TNNI3K: variants seen among roughly 807,000 people sequenced by gnomAD.
TNNI3K encodes TNNI3 interacting kinase.
A neutral mutation model predicts 114.5 loss-of-function variants in TNNI3K; 140 were observed. That is an observed-to-expected ratio of 1.22 (90% CI 1.07 to 1.41). The LOEUF (loss-of-function observed/expected upper bound fraction) is 1.41. Ranked by LOEUF, TNNI3K falls within the 40% of genes most tolerant of loss-of-function variation. The pLI is 0.00. For missense variants in TNNI3K, 1,125 were observed against 1,007.6 expected, an observed-to-expected ratio of 1.12 and a Z score of -1.58; for synonymous variants, 347 against 347.5, an observed-to-expected ratio of 1.00 and a Z score of 0.02.
intron 21 of TNNI3K, chr1:74,475,518 A>G (rs927964661): frequency 4.2e-6 from 3 of 716,832 alleles, no homozygotes; most frequent in Non-Finnish European, 7.8e-6. Context: ...TCAGGTTTCT[A>G]AATGATCCGT....
Position 74,354,121 on chromosome 1 carries a change from A to G in TNNI3K, c.1169A>G (p.Tyr390Cys), listed in dbSNP as rs762701312. 1.2e-6 allele frequency: 2 copies of G among 1,613,942 alleles called. No homozygotes were observed. Among genetic ancestry groups the G allele is most frequent in the African/African-American group, 2.7e-5 (2 of 74,920 alleles). Reference sequence around the variant, plus strand: ...GAGCAGACATGTTTGATGTGGGCTTATGAAAAAGGTATATTTTTAATCATC... The same window carrying G: ...GAGCAGACATGTTTGATGTGGGCTTGTGAAAAAGGTATATTTTTAATCATC... ...KDEQTCLMWAYEKGHDAIVTL... is the reference protein window; with the variant it reads ...KDEQTCLMWACEKGHDAIVTL... Residue 390 changes from tyrosine to cysteine, a missense_variant, in exon 11 of 25, where the codon TAT becomes TGT. Physicochemically the swap from Tyr to Cys is radical, Grantham distance 194. Coordinates refer to ENST00000326637, the MANE Select transcript of TNNI3K (RefSeq NM_015978.3).
At position 74,391,816 on chromosome 1, in the gene TNNI3K, C is replaced by A. The variant is rs562787425; in HGVS notation, c.1772+21424C>A. Among the ~76,000 whole-genome samples, 87 of 152,180 alleles carry A rather than the reference C, an allele frequency of 5.7e-4. 1 individual carries two copies. The highest frequency in any genetic ancestry group is 1.9e-3 in the African/African-American group (80 of 41,518). On this transcript the variant is annotated intron_variant, in intron 17 of 24. Transcript: ENST00000326637. ...TGAGAAAGGGAAAAAGGAAAGCCAGCAGCAAATGGTGCTATGGGAGCTGAG... is the reference window on the plus strand; with the variant it reads ...TGAGAAAGGGAAAAAGGAAAGCCAGAAGCAAATGGTGCTATGGGAGCTGAG...
chr1:74,380,918 G>A (rs1270290471), intron 17 of TNNI3K, among the ~76,000 whole-genome samples: 1 of 152,012 alleles, frequency 6.6e-6, no homozygotes, highest in African/African-American at 2.4e-5. Flanking sequence ...ACTGACTAGG[G>A]ACCCAGAAAC....
At chr1:74,385,810 T>G (rs927656047) in intron 17 of TNNI3K, among the ~76,000 whole-genome samples, 1 of 152,130 alleles carries the variant, frequency 6.6e-6, no homozygotes, top group Non-Finnish European at 1.5e-5. Flanking sequence ...CAAAAGATAT[T>G]CAATGACAGA....
chr1:74,288,240 A>G (rs508717), intron 5 of TNNI3K, among the ~76,000 whole-genome samples: 151,804 of 152,202 alleles, frequency 1, 75,705 homozygotes, highest in Non-Finnish European at 1. Context: ...AAATCAGCAT[A>G]TTGAAGATAT....
intron 17 of TNNI3K, chr1:74,375,436 C>A: frequency 2.6e-6 from 1 of 382,134 alleles, no homozygotes; most frequent in Non-Finnish European, 5.4e-6. Context: ...ACAAATTAGC[C>A]ACAAGATTAG....
At chr1:74,334,078 C>T (rs377133338) in intron 6 of TNNI3K, among the ~76,000 whole-genome samples, 7 of 152,160 alleles carry the variant, frequency 4.6e-5, no homozygotes, top group African/African-American at 1.2e-4. Flanking sequence ...GCTTTTCATG[C>T]GATGACTTAT....
chr1:74,495,156 G>T (rs537266872), intron 23 of TNNI3K, among the ~76,000 whole-genome samples: 5 of 152,204 alleles, frequency 3.3e-5, no homozygotes, highest in African/African-American at 1.2e-4. Context: ...TCTGATAAGG[G>T]TGTATCTGTC....
intron 5 of TNNI3K, among the ~76,000 whole-genome samples, chr1:74,276,560 A>C (rs1656698090): frequency 6.6e-6 from 1 of 152,122 alleles, no homozygotes; most frequent in Non-Finnish European, 1.5e-5. Flanking sequence ...TACTATGCTA[A>C]AAATTTAGGT....
chr1:74,366,814 T>C (rs536702318), intron 11 of TNNI3K: 1 of 153,482 alleles, frequency 6.5e-6, no homozygotes, highest in Non-Finnish European at 1.4e-5. Flanking sequence ...AATACTACAA[T>C]ACTGAATCAA....
At position 74,521,925 on chromosome 1, in the gene TNNI3K, G is replaced by C. The variant is rs147709598; in HGVS notation, c.2352-18309G>C. Among the ~76,000 whole-genome samples the C allele has an allele frequency of 7.9e-3, 1,210 of 152,264 alleles. 19 individuals are homozygous for C. The highest frequency in any genetic ancestry group is 0.027 in the African/African-American group (1,112 of 41,528). On this transcript the variant is annotated intron_variant, in intron 23 of 24. Transcript: ENST00000326637. ...AATCATAACTACTCAAAAGCCCAGA[G>C]TGATTCTGGGGCTGCATCCAACTGT...
At chr1:74,381,684 G>C (rs926197566) in intron 17 of TNNI3K, among the ~76,000 whole-genome samples, 1 of 152,056 alleles carries the variant, frequency 6.6e-6, no homozygotes, top group Non-Finnish European at 1.5e-5. Context: ...GTTCGAACTT[G>C]AATCAGGGAT....
intron 21 of TNNI3K, chr1:74,475,299 T>G (rs1668139211): frequency 1.5e-6 from 1 of 649,980 alleles, no homozygotes; most frequent in Non-Finnish European, 2.8e-6. Context: ...ACTCACCTTC[T>G]GTTCTTATTA....
At chr1:74,350,597 G>A (rs889659056) in intron 9 of TNNI3K, among the ~76,000 whole-genome samples, 8 of 152,144 alleles carry the variant, frequency 5.3e-5, no homozygotes, top group African/African-American at 1.9e-4. Flanking sequence ...TTGTATGGGA[G>A]TCTAAGTCTC....
chr1:74,274,744 AAATATCATAATGG>A (rs1181728313), intron 5 of TNNI3K, among the ~76,000 whole-genome samples: 8 of 152,166 alleles, frequency 5.3e-5, no homozygotes, highest in Non-Finnish European at 1.0e-4. Flanking sequence ...CATGAGTGGC[AAATATCATAATGG>A]AAAGTGCATT....
chr1:74,401,797 T>G, intron 17 of TNNI3K: 1 of 446,760 alleles, frequency 2.2e-6, no homozygotes, highest in Non-Finnish European at 4.5e-6. Context: ...AATTCAAATC[T>G]CTTCTTATTT....
At chr1:74,337,732 T>C (rs1248200345) in intron 7 of TNNI3K, among the ~76,000 whole-genome samples, 3 of 152,124 alleles carry the variant, frequency 2.0e-5, no homozygotes, top group Non-Finnish European at 4.4e-5. Flanking sequence ...CTCAGGTAAA[T>C]AGACTTTACC....
intron 19 of TNNI3K, among the ~76,000 whole-genome samples, chr1:74,438,362 C>A (rs1269198715): frequency 6.6e-6 from 1 of 152,036 alleles, no homozygotes; most frequent in Non-Finnish European, 1.5e-5. Context: ...TGTAACTATG[C>A]ATGGTTTCAA....
intron 17 of TNNI3K, among the ~76,000 whole-genome samples, chr1:74,394,748 T>C (rs1210102376): frequency 6.6e-6 from 1 of 152,156 alleles, no homozygotes; most frequent in East Asian, 1.9e-4. Context: ...AGGACAACCC[T>C]AAAGAAAACA....
Sources: gnomAD v4.1 joint callset for allele counts (sites outside exome capture counted in the v4.1 genomes callset) on GRCh38, gnomAD v4.1.1 for gene constraint, MANE v1.5 for transcripts, NCBI Gene and HGNC (gene_info 2026-07-23, HGNC 2026-07-21) for gene names.